Variants in AQP11 observed in about 807,000 individuals in gnomAD.
AQP11 encodes aquaporin 11, also known as aquaporin-11.
Under a neutral mutation model 21.1 loss-of-function variants are expected in AQP11, and 20 were observed. The ratio of observed to expected loss-of-function variants is 0.95; its 90% CI spans 0.67 to 1.38. The LOEUF (loss-of-function observed/expected upper bound fraction) is 1.38. Among genes scored for constraint, AQP11 ranks in the 40% most tolerant of loss-of-function variants. The pLI, the probability that AQP11 is intolerant of heterozygous loss-of-function variation, is 0.00. For missense variants in AQP11, 339 were observed against 340.4 expected, an observed-to-expected ratio of 1.00 and a Z score of 0.03; for synonymous variants, 167 against 150.1, an observed-to-expected ratio of 1.11 and a Z score of -0.82.
rs113734647 is a variant in AQP11, at chr11:77,595,845, C to T, written c.619+5234C>T. On this transcript the variant is annotated intron_variant, in intron 1 of 2. Transcript: ENST00000313578. ...CTGAGGCAGGAGAATCGCTTGAACC[C>T]GGGAGGTGGAGGTGGGAGGATCCCC... 2.2e-3 allele frequency among the ~76,000 whole-genome samples: 332 copies of T among 151,418 alleles called. 3 individuals carry two copies. Among genetic ancestry groups the T allele is most frequent in the African/African-American group, 7.2e-3 (299 of 41,276 alleles).
At chr11:77,595,675 A>C (rs1958774218) in intron 1 of AQP11, among the ~76,000 whole-genome samples, 1 of 152,186 alleles carries the variant, frequency 6.6e-6, no homozygotes, top group South Asian at 2.1e-4. Context: ...TAATCCCAGC[A>C]CTTTGGGAGG....
At chr11:77,592,861 G>A (rs891102424) in intron 1 of AQP11, among the ~76,000 whole-genome samples, 1 of 152,294 alleles carries the variant, frequency 6.6e-6, no homozygotes, top group South Asian at 2.1e-4. Context: ...CACCTGGGGA[G>A]CTCTTTAAAC....
Position 77,590,108 on chromosome 11 carries a change from T to G in AQP11, c.116T>G (p.Leu39Arg), listed in dbSNP as rs775119169. The G allele has an allele frequency of 3.1e-6, 5 of 1,607,772 alleles. No homozygotes were observed. In the Admixed American group the frequency reaches 8.3e-5, roughly 27 times the overall value. ...GLARVVARQQ[L>R]HRPVAHAFVL... is the part of the protein sequence containing the mutation. Reference sequence around the variant, plus strand: ...GCCCGCGTAGTCGCCCGGCAGCAGCTGCACAGGCCGGTGGCCCACGCCTTC... The same window carrying G: ...GCCCGCGTAGTCGCCCGGCAGCAGCGGCACAGGCCGGTGGCCCACGCCTTC... Residue 39 changes from leucine to arginine, a missense_variant, in exon 1 of 3, where the codon CTG (leucine) becomes CGG (arginine). Leu to Arg is a moderately radical substitution (Grantham distance 102, BLOSUM62 -2). Transcript: ENST00000313578.
intron 1 of AQP11, among the ~76,000 whole-genome samples, chr11:77,596,244 A>G (rs1207504944): frequency 6.6e-6 from 1 of 151,172 alleles, no homozygotes; most frequent in East Asian, 2.0e-4. Flanking sequence ...TCTTTAACCA[A>G]TTCAACGCCA....
intron 1 of AQP11, 121 bp downstream of exon 1, chr11:77,590,732 C>T: frequency 6.7e-7 from 1 of 1,499,868 alleles, no homozygotes; most frequent in East Asian, 2.3e-5. Flanking sequence ...CTGGTATCCC[C>T]GTTATTCTAA....
At chr11:77,591,118 T>G (rs927515081) in intron 1 of AQP11, 43 of 974,218 alleles carry the variant, frequency 4.4e-5, no homozygotes, top group Non-Finnish European at 5.2e-5. Flanking sequence ...TCTTATTTCC[T>G]TAATAATTCA....
chr11:77,600,779 G>A (rs1247477014), intron 1 of AQP11, among the ~76,000 whole-genome samples: 1 of 152,176 alleles, frequency 6.6e-6, no homozygotes, highest in African/African-American at 2.4e-5. Context: ...TTGGGAGGCC[G>A]AGGCGGGCGG....
chr11:77,607,763 CAAAA>C (rs879304990), intron 2 of AQP11, among the ~76,000 whole-genome samples: 4 of 74,292 alleles, frequency 5.4e-5, no homozygotes, highest in Non-Finnish European at 2.9e-5. Context: ...GACCCTGTCT[CAAAA>C]AAAAAAAAAA....
At chr11:77,601,099 GT>G (rs1434358923) in intron 1 of AQP11, among the ~76,000 whole-genome samples, 1 of 152,104 alleles carries the variant, frequency 6.6e-6, no homozygotes, top group African/African-American at 2.4e-5. Flanking sequence ...CTTAGGGACA[GT>G]TTTCCCCCCA....
intron 1 of AQP11, among the ~76,000 whole-genome samples, chr11:77,597,027 T>A (rs1484102510): frequency 1.3e-5 from 2 of 152,122 alleles, no homozygotes; most frequent in Non-Finnish European, 2.9e-5. Flanking sequence ...AATTATTATT[T>A]ATTATTATTA....
chr11:77,603,807 C>A, intron 2 of AQP11, 135 bp downstream of exon 2: 1 of 610,812 alleles, frequency 1.6e-6, no homozygotes, highest in Non-Finnish European at 2.7e-6. Context: ...AGCTAACATG[C>A]CTGAAATAAT....
intron 2 of AQP11, among the ~76,000 whole-genome samples, chr11:77,605,596 G>C (rs1727776626): frequency 6.6e-6 from 1 of 152,100 alleles, no homozygotes. Context: ...CACTCCTTAT[G>C]AGAATCTAAC....
chr11:77,607,693 G>A (rs1958854518), intron 2 of AQP11, among the ~76,000 whole-genome samples: 1 of 150,996 alleles, frequency 6.6e-6, no homozygotes, highest in African/African-American at 2.4e-5. Flanking sequence ...AGCCCAGGAA[G>A]TCGAGGCTGC....
chr11:77,598,712 G>GT (rs200268358), intron 1 of AQP11, among the ~76,000 whole-genome samples: 135 of 152,048 alleles, frequency 8.9e-4, no homozygotes, highest in African/African-American at 3.2e-3. Context: ...TGTTTTTGTT[G>GT]TTGTTTTTTG....
intron 1 of AQP11, among the ~76,000 whole-genome samples, chr11:77,598,963 C>G (rs1434777474): frequency 6.6e-6 from 1 of 152,146 alleles, no homozygotes; most frequent in Non-Finnish European, 1.5e-5. Flanking sequence ...CTCACTGCAA[C>G]CTCTGCCTCC....
At chr11:77,604,312 C>T (rs1426425374) in intron 2 of AQP11, among the ~76,000 whole-genome samples, 3 of 151,986 alleles carry the variant, frequency 2.0e-5, no homozygotes, top group Non-Finnish European at 2.9e-5. Context: ...GATGAGGTCT[C>T]GCTATGTTGC....
intron 1 of AQP11, among the ~76,000 whole-genome samples, chr11:77,594,750 A>G (rs1369504924): frequency 1.3e-5 from 2 of 152,186 alleles, no homozygotes; most frequent in Admixed American, 1.3e-4. Flanking sequence ...ATCCAGCAAC[A>G]TAGCCACAGG....
chr11:77,597,020 T>A (rs529418213), intron 1 of AQP11, among the ~76,000 whole-genome samples: 3 of 152,170 alleles, frequency 2.0e-5, no homozygotes, highest in South Asian at 2.1e-4. Flanking sequence ...GGGAAATAAT[T>A]ATTATTTATT....
chr11:77,596,877 A>G (rs1958786594), intron 1 of AQP11, among the ~76,000 whole-genome samples: 1 of 151,270 alleles, frequency 6.6e-6, no homozygotes, highest in Non-Finnish European at 1.5e-5. Context: ...AAAAAAAAAG[A>G]CTGTGCCCTT....
Sources: gnomAD v4.1 joint callset for allele counts (sites outside exome capture counted in the v4.1 genomes callset) on GRCh38, gnomAD v4.1.1 for gene constraint, MANE v1.5 for transcripts, NCBI Gene and HGNC (gene_info 2026-07-23, HGNC 2026-07-21) for gene names.